The following COL12A1 variants were observed in gnomAD, a reference collection of about 807,000 sequenced individuals.
COL12A1 encodes collagen type XII alpha 1 chain.
Under a neutral mutation model 349.7 loss-of-function variants are expected in COL12A1, and 114 were observed. The observed-to-expected ratio is 0.33, with a 90% CI of 0.28 to 0.38. The LOEUF (loss-of-function observed/expected upper bound fraction) is 0.38. COL12A1 is among the 10% of genes least tolerant of loss of function. The probability of loss-of-function intolerance (pLI) is 1.00; values close to 1 mark genes in which losing one functional copy is unlikely to be tolerated. For missense variants in COL12A1, 3,284 were observed against 3,756.9 expected (o/e 0.87, Z 3.29); for synonymous variants, 1,369 against 1,329.0 (o/e 1.03, Z -0.66).
chr6:75,181,876 G>A (rs1417275421), intron 10 of COL12A1, among the ~76,000 whole-genome samples: 1 of 151,666 alleles, frequency 6.6e-6, no homozygotes, highest in Non-Finnish European at 1.5e-5. Flanking sequence ...GATCACCTGA[G>A]GTCAGGAGTT....
At chr6:75,180,071 G>T (rs1364429257) in intron 11 of COL12A1, among the ~76,000 whole-genome samples, 1 of 152,176 alleles carries the variant, frequency 6.6e-6, no homozygotes, top group Admixed American at 6.5e-5. Flanking sequence ...TGAGGCAAAA[G>T]AATCATTTGA....
chr6:75,170,700 T>G (rs1389370555), intron 13 of COL12A1, among the ~76,000 whole-genome samples: 1 of 152,222 alleles, frequency 6.6e-6, no homozygotes, highest in East Asian at 1.9e-4. Context: ...CCTGGCAACG[T>G]CAGAGTTATT....
At chr6:75,180,820 A>G in intron 11 of COL12A1, 119 bp downstream of exon 11, 1 of 1,236,384 alleles carries the variant, frequency 8.1e-7, no homozygotes, top group African/African-American at 1.5e-5. Flanking sequence ...AAAGATGCCA[A>G]ATCTTACAAA....
chr6:75,102,457 A>T, intron 56 of COL12A1, 140 bp downstream of exon 56: 3 of 539,926 alleles, frequency 5.6e-6, no homozygotes, highest in Middle Eastern at 3.2e-4. Flanking sequence ...AATAACAGTC[A>T]TCATAGAGGC....
intron 14 of COL12A1, among the ~76,000 whole-genome samples, chr6:75,164,380 T>C (rs1446161166): frequency 6.6e-6 from 1 of 152,154 alleles, no homozygotes; most frequent in Admixed American, 6.5e-5. Context: ...CTCTCTTCCT[T>C]TGCCAGAAAA....
intron 57 of COL12A1, 155 bp from the exon 58 acceptor site, chr6:75,101,808 C>T: frequency 1.0e-6 from 1 of 969,742 alleles, no homozygotes; most frequent in Admixed American, 2.2e-5. Flanking sequence ...ACAGTAGATG[C>T]TCAGTCAACA....
At position 75,113,623 on chromosome 6, in the gene COL12A1, G is replaced by C. The variant is rs1428757896; in HGVS notation, c.7819C>G (p.Gln2607Glu). The change falls in exon 50 of 66, where the codon CAA (glutamine) becomes GAA (glutamate). Residue 2607 changes from glutamine (Q) to glutamate (E), a missense_variant. Gln to Glu is a conservative substitution (Grantham distance 29, BLOSUM62 2). Coordinates refer to ENST00000322507, the MANE Select transcript of COL12A1 (RefSeq NM_004370.6). ...WQITDRDYKP[Q>E]VGVIADPSSK... ...TTACGATCTGCAATCACTCCAACTT[G>C]TGGTTTGTAGTCTCTGTCTGTGATT... The C allele has an allele frequency of 1.9e-6, 3 of 1,608,310 alleles. No homozygotes were observed. The highest frequency in any genetic ancestry group is 1.1e-5 in the South Asian group (1 of 90,216).
chr6:75,144,476 C>T (rs545716660), intron 25 of COL12A1, among the ~76,000 whole-genome samples: 40 of 152,304 alleles, frequency 2.6e-4, no homozygotes, highest in Admixed American at 5.9e-4. Context: ...GCCTTCAAAA[C>T]TCTTCATTTT....
intron 53 of COL12A1, 45 bp from the exon 54 acceptor site, chr6:75,105,337 A>G (rs771713920): frequency 4.0e-6 from 6 of 1,491,338 alleles, no homozygotes; most frequent in Non-Finnish European, 5.6e-6. Flanking sequence ...TAGAGGAAAA[A>G]AATGACTTCC....
rs1418152817 is a variant in COL12A1 at position 75,124,093 on chromosome 6, T to A, written c.6726A>T (p.Gly2242=). Residue 2242 remains glycine, a splice_region_variant and synonymous_variant, in exon 42 of 66, where the codon GGA becomes GGT. Coordinates refer to ENST00000322507, the MANE Select transcript of COL12A1 (RefSeq NM_004370.6). ...SYRLKLSPAD[G]TRGQEITVRG... ...GCACTGTAATTTCTTGTCCCCTTGT[T>A]CCTGATTATGACAACAAAGGAAAAT... 6.2e-7 allele frequency: 1 copy of A among 1,612,494 alleles called. No homozygotes were observed. Among genetic ancestry groups the A allele is most frequent in the Admixed American group, 1.7e-5 (1 of 59,884 alleles).
chr6:75,090,981 T>G lies in COL12A1; in HGVS notation c.8752+342A>C, dbSNP rs950739265. Among the ~76,000 whole-genome samples the G allele has an allele frequency of 1.3e-5, 2 of 152,164 alleles. No homozygotes were observed. The highest frequency in any genetic ancestry group is 6.5e-5 in the Admixed American group (1 of 15,270). On this transcript the variant is annotated intron_variant, in intron 62 of 65. Transcript: ENST00000322507. This position sits in a 1 kb window ranked among gnomAD's most constrained non-coding sequence, Gnocchi z 4.1. ...TGTGAAAAACAGGCAAGAGAGAGTT[T>G]CCTACCAAAATCAACTTTCACTGAT...
chr6:75,111,395 A>T (rs947135051), intron 51 of COL12A1, among the ~76,000 whole-genome samples: 10 of 151,886 alleles, frequency 6.6e-5, no homozygotes, highest in Non-Finnish European at 1.3e-4. Context: ...ATGTCAAAAA[A>T]AATTGTCTGA....
At position 75,142,121 on chromosome 6, in the gene COL12A1, T is replaced by G. The variant is rs929978472; in HGVS notation, c.4868A>C (p.Asp1623Ala). The G allele has an allele frequency of 1.2e-6, 2 of 1,614,040 alleles. No individual in the cohort carries two copies. The highest frequency in any genetic ancestry group is 2.2e-5 in the South Asian group (2 of 91,084). The change falls in exon 27 of 66, where the codon GAC (aspartate) becomes GCC (alanine). Residue 1623 changes from aspartate to alanine, a missense_variant. Physicochemically the swap from Asp to Ala is moderately radical, Grantham distance 126 (BLOSUM62 -2). This residue lies in a region of COL12A1 where 2,601 missense variants were observed against 2,824.8 expected (regional missense o/e 0.92). Coordinates refer to ENST00000322507, the MANE Select transcript of COL12A1 (RefSeq NM_004370.6). ...DRSETSTSLKDLFSQTLYTVS... is the reference protein window; with the variant it reads ...DRSETSTSLKALFSQTLYTVS... The stretch of plus-strand genomic sequence containing the variant: ...TGTGTACAAGGTCTGTGAGAAGAGG[T>G]CTTTGAGGGAAGTGCTGGTCTCTGA...
intron 60 of COL12A1, among the ~76,000 whole-genome samples, 174 bp from the exon 61 acceptor site, chr6:75,091,699 A>ATCTC (rs572071883): frequency 8.7e-5 from 13 of 149,656 alleles, no homozygotes; most frequent in Admixed American, 3.3e-4. Context: ...AAGGAATCTA[A>ATCTC]TCTCTCTCTC....
chr6:75,138,335 T>C lies in COL12A1; in HGVS notation c.5236A>G (p.Ile1746Val). ...DLIGSERTLP[I>V]LTTQAPKSGP... is the part of the protein sequence containing the mutation. ...AAATTCTTACCTTGTGTTGTTAAGA[T>C]AGGCACTAAAAGAAAACAGAATTTG... The change falls in exon 30 of 66, where the codon ATC (isoleucine) becomes GTC (valine). Residue 1746 changes from isoleucine (I) to valine (V), a missense_variant. Ile to Val is a conservative substitution (Grantham distance 29). Around this residue, in one of 2 missense-constraint regions of COL12A1, gnomAD observed 2,601 missense variants for 2,824.8 expected, o/e 0.92. Transcript: ENST00000322507. 4.3e-6 allele frequency: 7 copies of C among 1,610,962 alleles called. No homozygotes were observed. Among genetic ancestry groups the C allele is most frequent in the Non-Finnish European group, 5.9e-6 (7 of 1,179,014 alleles).
chr6:75,174,874 T>C (rs1392046081), intron 13 of COL12A1, among the ~76,000 whole-genome samples, 164 bp downstream of exon 13: 1 of 152,178 alleles, frequency 6.6e-6, no homozygotes, highest in Non-Finnish European at 1.5e-5. Context: ...ATTCTACATC[T>C]CTGAATAACA....
chr6:75,130,059 A>T, intron 37 of COL12A1, 32 bp downstream of exon 37: 1 of 1,610,152 alleles, frequency 6.2e-7, no homozygotes, highest in Non-Finnish European at 8.5e-7. Context: ...CTAAGATGAT[A>T]AAATGTGCCA....
rs552603478 is a variant in COL12A1 at position 75,113,893 on chromosome 6, C to T, written c.7698-149G>A. The stretch of plus-strand genomic sequence containing the variant: ...TGGGTAGTATTAGAGGCTATTTATA[C>T]TAATCTGGCTCCTTCTGACTTCTCC... On this transcript the variant is annotated intron_variant, in intron 49 of 65. Coordinates refer to ENST00000322507, the MANE Select transcript of COL12A1 (RefSeq NM_004370.6). 85 of 548,514 alleles carry T rather than the reference C, an allele frequency of 1.5e-4. 1 individual carries two copies. The South Asian group carries it at 4.9e-3, about 31-fold the overall frequency. 34.0% of individuals were successfully genotyped at this position (548,514 alleles called of 1,614,324 possible). A position where few individuals can be genotyped will look rare whatever the true frequency, so the allele number is the denominator to read the frequency against.
intron 16 of COL12A1, 49 bp from the exon 17 acceptor site, chr6:75,154,586 TG>T (rs765754850): frequency 4.0e-5 from 61 of 1,526,118 alleles, no homozygotes; most frequent in Non-Finnish European, 5.2e-5. Flanking sequence ...TAGGCTCAAG[TG>T]GTAGCACTTT....
Sources: gnomAD v4.1 joint callset for allele counts (sites outside exome capture counted in the v4.1 genomes callset) on GRCh38, gnomAD v4.1.1 for gene constraint, gnomAD v4.1.1 regional missense constraint, Gnocchi (gnomAD v3.1) non-coding constraint, MANE v1.5 for transcripts, NCBI Gene and HGNC (gene_info 2026-07-23, HGNC 2026-07-21) for gene names.